KCNIP4: variants seen among roughly 807,000 people sequenced by gnomAD.
KCNIP4 encodes Kv channel-interacting protein 4.
In KCNIP4, 12 loss-of-function variants were observed where a neutral mutation model predicts 34.0. The ratio of observed to expected loss-of-function variants is 0.35; its 90% CI spans 0.23 to 0.57. KCNIP4 has a LOEUF of 0.57. Among genes scored for constraint, KCNIP4 ranks in the 20% least tolerant of loss-of-function variants. The pLI, the probability that KCNIP4 is intolerant of heterozygous loss-of-function variation, is 0.83. For synonymous variants in KCNIP4, 124 were observed against 102.2 expected (o/e 1.21, Z -1.29); for missense variants, 238 against 311.7 (o/e 0.76, Z 1.78).
intron 2 of KCNIP4, 183 bp from the exon 3 acceptor site, chr4:20,850,850 T>C (rs1395436227): frequency 2.0e-6 from 1 of 508,762 alleles, no homozygotes. Context: ...GCTAAAACAC[T>C]TGTATATGAT....
At chr4:21,214,722 TTAAACCATAAAAACC>T (rs1451032565) in intron 1 of KCNIP4, among the ~76,000 whole-genome samples, 1 of 152,194 alleles carries the variant, frequency 6.6e-6, no homozygotes, top group East Asian at 1.9e-4. Flanking sequence ...GAAATTTATC[TTAAACCATAAAAACC>T]TACACAGTTT....
At chr4:21,849,368 T>C (rs1010604669) in intron 1 of KCNIP4, 1 of 152,128 alleles carries the variant, frequency 6.6e-6, no homozygotes, top group Admixed American at 6.5e-5. Context: ...AAGTGGCTTT[T>C]TTTCTAATCT....
intron 1 of KCNIP4, among the ~76,000 whole-genome samples, chr4:21,724,908 A>G (rs1392744520): frequency 1.3e-5 from 2 of 152,062 alleles, no homozygotes; most frequent in African/African-American, 2.4e-5. Flanking sequence ...TTGGACTTCT[A>G]GCCTGACATT....
In KCNIP4 at chr4:21,773,742, G is replaced by GTTTTTTTGTT. The variant is rs1553930230; in HGVS notation, c.61+174828_61+174829insAACAAAAAAA. 1.3e-3 allele frequency among the ~76,000 whole-genome samples: 45 copies of GTTTTTTTGTT among 34,424 alleles called. 1 individual carries two copies. The highest frequency in any genetic ancestry group is 0.042 in the Middle Eastern group (1 of 24). The allele number at this position is 34,424 out of a possible 152,430, so 22.6% of individuals were successfully genotyped here. ...AGCATTGCAACCCCTGTTTTTTTTT[G>GTTTTTTTGTT]TTGTTTTTTTTTTTTTGTTTGTTTG... On this transcript the variant is annotated intron_variant, in intron 1 of 8. Coordinates refer to ENST00000382152, the MANE Select transcript of KCNIP4 (RefSeq NM_025221.6).
chr4:20,864,081 T>TATACATATCC, intron 2 of KCNIP4, among the ~76,000 whole-genome samples: 1 of 150,972 alleles, frequency 6.6e-6, no homozygotes, highest in African/African-American at 2.4e-5. Flanking sequence ...CGTATGTATG[T>TATACATATCC]ATGTATATGC....
chr4:20,835,809 A>G (rs1024848105), intron 3 of KCNIP4, among the ~76,000 whole-genome samples: 3 of 152,238 alleles, frequency 2.0e-5, no homozygotes, highest in Non-Finnish European at 2.9e-5. Flanking sequence ...AGTAAATGGT[A>G]AGAATACCTG....
intron 1 of KCNIP4, among the ~76,000 whole-genome samples, chr4:20,896,454 G>A (rs1252834787): frequency 1.3e-5 from 2 of 152,148 alleles, no homozygotes; most frequent in African/African-American, 2.4e-5. Flanking sequence ...GGTTTAGGGT[G>A]GGCCCTATAG....
At chr4:20,734,440 T>TTTAC (rs1291592314) in intron 6 of KCNIP4, among the ~76,000 whole-genome samples, 188 bp downstream of exon 6, 1 of 152,230 alleles carries the variant, frequency 6.6e-6, no homozygotes, top group Non-Finnish European at 1.5e-5. Context: ...GTGTTATATA[T>TTTAC]TTACTTTGGA....
chr4:21,339,516 G>A (rs2162083), intron 1 of KCNIP4, among the ~76,000 whole-genome samples: 1 of 152,162 alleles, frequency 6.6e-6, no homozygotes, highest in South Asian at 2.1e-4. Flanking sequence ...TCTGTTAATT[G>A]TATAAAGAAG....
intron 1 of KCNIP4, among the ~76,000 whole-genome samples, chr4:21,736,353 T>G (rs1372328088): frequency 6.6e-6 from 1 of 152,160 alleles, no homozygotes; most frequent in Non-Finnish European, 1.5e-5. Context: ...ATCTGTCCTC[T>G]GTACTGTAGA....
chr4:20,785,009 C>T (rs1247382992), intron 3 of KCNIP4, among the ~76,000 whole-genome samples: 1 of 152,166 alleles, frequency 6.6e-6, no homozygotes, highest in East Asian at 1.9e-4. Context: ...AGATCCTCCC[C>T]TAACCCCACC....
At chr4:20,989,632 G>A (rs1736902092) in intron 1 of KCNIP4, among the ~76,000 whole-genome samples, 3 of 152,158 alleles carry the variant, frequency 2.0e-5, no homozygotes, top group Admixed American at 2.0e-4. Flanking sequence ...AATGAGTTTG[G>A]AGAGGAGCAG....
At chr4:21,936,747 C>T (rs187882277) in intron 1 of KCNIP4, among the ~76,000 whole-genome samples, 2 of 152,250 alleles carry the variant, frequency 1.3e-5, no homozygotes, top group African/African-American at 2.4e-5. Context: ...CCTCACCTTC[C>T]ATTAATGTTC....
At chr4:20,837,345 T>C (rs1719164641) in intron 3 of KCNIP4, among the ~76,000 whole-genome samples, 1 of 152,140 alleles carries the variant, frequency 6.6e-6, no homozygotes, top group Non-Finnish European at 1.5e-5. Flanking sequence ...CTTCCAAAGC[T>C]TTGGCAACAT....
intron 2 of KCNIP4, among the ~76,000 whole-genome samples, chr4:20,873,806 T>G (rs1311566373): frequency 1.3e-5 from 2 of 152,230 alleles, no homozygotes; most frequent in Middle Eastern, 3.4e-3. Flanking sequence ...CCCAGGAAAG[T>G]TTTCAAAATC....
At chr4:21,633,570 T>C (rs544086402) in intron 1 of KCNIP4, among the ~76,000 whole-genome samples, 37 of 152,234 alleles carry the variant, frequency 2.4e-4, no homozygotes, top group Middle Eastern at 3.4e-3. Context: ...AATCTTTGTG[T>C]GGAAAGTTAA....
intron 1 of KCNIP4, among the ~76,000 whole-genome samples, chr4:20,982,400 C>T (rs1736151045): frequency 6.6e-6 from 1 of 152,076 alleles, no homozygotes; most frequent in South Asian, 2.1e-4. Flanking sequence ...TGCATTGAGG[C>T]AGAAATCTCA....
At chr4:21,581,258 A>G (rs1741177629) in intron 1 of KCNIP4, among the ~76,000 whole-genome samples, 1 of 152,042 alleles carries the variant, frequency 6.6e-6, no homozygotes, top group African/African-American at 2.4e-5. Context: ...AAGGGAATTG[A>G]CAACTTAAGA....
intron 1 of KCNIP4, among the ~76,000 whole-genome samples, chr4:21,072,043 T>C (rs1744990454): frequency 6.6e-6 from 1 of 152,200 alleles, no homozygotes. Flanking sequence ...AGTCTGTCAT[T>C]GATGGACATT....
Sources: allele counts gnomAD v4.1 joint callset (sites outside exome capture counted in the v4.1 genomes callset), GRCh38; gene constraint gnomAD v4.1.1; transcripts MANE v1.5; gene names NCBI Gene and HGNC (gene_info 2026-07-23, HGNC 2026-07-21).